IFT80: variants seen among roughly 807,000 people sequenced by gnomAD.
The protein encoded by IFT80 is intraflagellar transport 80, also known as intraflagellar transport protein 80 homolog.
In IFT80, 79 loss-of-function variants were observed where a neutral mutation model predicts 107.9. The ratio of observed to expected loss-of-function variants is 0.73; its 90% CI spans 0.61 to 0.88. The LOEUF is 0.88. IFT80 is among the 40% of genes least tolerant of loss of function. IFT80 has a pLI of 0.00. For synonymous variants in IFT80, 299 were observed against 300.9 expected (o/e 0.99, Z 0.07); for missense variants, 797 against 914.2 (o/e 0.87, Z 1.65).
intron 19 of IFT80, among the ~76,000 whole-genome samples, chr3:160,266,130 G>C (rs1713298432): frequency 6.6e-6 from 1 of 151,496 alleles, no homozygotes; most frequent in African/African-American, 2.4e-5. Flanking sequence ...AGTACCATAG[G>C]GAGTCAAAGT....
chr3:160,362,581 G>A (rs1056530282), intron 6 of IFT80, among the ~76,000 whole-genome samples: 7 of 152,132 alleles, frequency 4.6e-5, no homozygotes, highest in Admixed American at 4.6e-4. Flanking sequence ...GAGAATTTTA[G>A]ACCAATATCC....
chr3:160,310,112 T>C (rs1004841378), intron 9 of IFT80, among the ~76,000 whole-genome samples: 1 of 152,176 alleles, frequency 6.6e-6, no homozygotes, highest in African/African-American at 2.4e-5. Flanking sequence ...ACAGATCTGA[T>C]TGTGGTCTAT....
At chr3:160,373,842 T>TG (rs1321128728) in intron 5 of IFT80, among the ~76,000 whole-genome samples, 1 of 152,058 alleles carries the variant, frequency 6.6e-6, no homozygotes, top group African/African-American at 2.4e-5. Flanking sequence ...ATGGAAGTGA[T>TG]GGGGAACAGC....
At chr3:160,291,566 C>A (rs997045104) in intron 12 of IFT80, among the ~76,000 whole-genome samples, 12 of 152,162 alleles carry the variant, frequency 7.9e-5, no homozygotes, top group African/African-American at 2.9e-4. Flanking sequence ...TGTGAACATA[C>A]AACATTTTAT....
rs545535329 is a variant in IFT80, at chr3:160,275,648, T to G, written c.2099+1658A>C. On this transcript the variant is annotated intron_variant, in intron 18 of 19. Coordinates refer to ENST00000326448, the MANE Select transcript of IFT80 (RefSeq NM_020800.3). ...TAAGATAAAGACCATTACCTTAAAT[T>G]TTTTTTTGTTAAATTGTACAGTATT... Among the ~76,000 whole-genome samples, 3 of 152,166 alleles carry G rather than the reference T, an allele frequency of 2.0e-5. No homozygotes were observed. The South Asian group carries it at 6.2e-4, about 32-fold the overall frequency.
intron 8 of IFT80, among the ~76,000 whole-genome samples, chr3:160,332,337 C>T (rs1011994013): frequency 1.3e-5 from 2 of 152,120 alleles, no homozygotes; most frequent in Admixed American, 6.5e-5. Context: ...GCTCAACCAG[C>T]AGGTGGGGAG....
At chr3:160,397,441 A>T (rs993863475) in intron 1 of IFT80, among the ~76,000 whole-genome samples, 1 of 152,200 alleles carries the variant, frequency 6.6e-6, no homozygotes, top group Non-Finnish European at 1.5e-5. Context: ...ATATCCCATT[A>T]TTCATCCTTA....
chr3:160,279,091 C>G lies in IFT80; in HGVS notation c.1836+102G>C, dbSNP rs1373391577. 7 of 871,984 alleles carry G rather than the reference C, an allele frequency of 8.0e-6. No individual in the cohort carries two copies. In the Admixed American group the frequency reaches 1.6e-4, roughly 20 times the overall value. The allele number at this position is 871,984 out of a possible 1,614,324, so 54.0% of individuals were successfully genotyped here. ...TTATAAAAAAAGACATGATCTTATT[C>G]ACAATTTTTCCAGCCTTTAAGCCTA... On this transcript the variant is annotated intron_variant, in intron 16 of 19. Transcript: ENST00000326448.
intron 9 of IFT80, among the ~76,000 whole-genome samples, chr3:160,317,909 T>A (rs979057437): frequency 6.6e-6 from 1 of 151,982 alleles, no homozygotes; most frequent in African/African-American, 2.4e-5. Context: ...CAAACAAAGT[T>A]TTGTGGCATG....
chr3:160,287,658 T>C (rs970695326), intron 12 of IFT80, among the ~76,000 whole-genome samples: 5 of 152,168 alleles, frequency 3.3e-5, no homozygotes, highest in Non-Finnish European at 5.9e-5. Context: ...AGATGATGCA[T>C]ATATCTTCTG....
At chr3:160,309,538 T>A (rs2108279932) in intron 9 of IFT80, among the ~76,000 whole-genome samples, 1 of 152,106 alleles carries the variant, frequency 6.6e-6, no homozygotes, top group Admixed American at 6.5e-5. Context: ...ATACAAAAAA[T>A]TAGCCAGGCG....
At chr3:160,369,879 C>T (rs1466595035) in intron 5 of IFT80, among the ~76,000 whole-genome samples, 1 of 151,970 alleles carries the variant, frequency 6.6e-6, no homozygotes, top group Non-Finnish European at 1.5e-5. Flanking sequence ...CTAAGACACT[C>T]AAAAAGATCT....
intron 9 of IFT80, among the ~76,000 whole-genome samples, chr3:160,316,532 T>C (rs1221296091): frequency 1.3e-5 from 2 of 152,172 alleles, no homozygotes; most frequent in Admixed American, 6.6e-5. Context: ...ACTAACACAG[T>C]ACAGCTGCTA....
chr3:160,356,549 C>T (rs114289441), intron 7 of IFT80, among the ~76,000 whole-genome samples: 224 of 152,264 alleles, frequency 1.5e-3, no homozygotes, highest in Non-Finnish European at 2.5e-3. Context: ...GAGACAGGGT[C>T]TCACTCTGTG....
At chr3:160,261,539 T>C (rs775628155) in intron 19 of IFT80, among the ~76,000 whole-genome samples, 4 of 149,322 alleles carry the variant, frequency 2.7e-5, no homozygotes, top group Non-Finnish European at 5.9e-5. Context: ...GAGGTTGCAA[T>C]GTCATCAGTT....
At chr3:160,274,578 CTGTA>C in intron 18 of IFT80, 1 of 152,114 alleles carries the variant, frequency 6.6e-6, no homozygotes, top group Non-Finnish European at 1.5e-5. Flanking sequence ...AGTATATAAT[CTGTA>C]AGAGGAAAGA....
chr3:160,390,279 T>G (rs1168996015), intron 1 of IFT80, among the ~76,000 whole-genome samples: 1 of 151,976 alleles, frequency 6.6e-6, no homozygotes, highest in Non-Finnish European at 1.5e-5. Flanking sequence ...TAGCTGGGCA[T>G]GGTGGTGCAT....
chr3:160,291,375 G>A (rs1311365797), intron 12 of IFT80, among the ~76,000 whole-genome samples: 1 of 152,202 alleles, frequency 6.6e-6, no homozygotes, highest in Non-Finnish European at 1.5e-5. Flanking sequence ...AATGTATTGA[G>A]TAGGAACACA....
chr3:160,285,382 T>C (rs1715011512), intron 13 of IFT80, among the ~76,000 whole-genome samples: 1 of 152,196 alleles, frequency 6.6e-6, no homozygotes, highest in African/African-American at 2.4e-5. Context: ...GGGTCTTTTG[T>C]ACTTTGTATA....
Sources: gnomAD v4.1 joint callset for allele counts (sites outside exome capture counted in the v4.1 genomes callset) on GRCh38, gnomAD v4.1.1 for gene constraint, MANE v1.5 for transcripts, NCBI Gene and HGNC (gene_info 2026-07-23, HGNC 2026-07-21) for gene names.